The following ROBO2 variants were observed in gnomAD, a reference collection of about 807,000 sequenced individuals.
ROBO2 encodes roundabout homolog 2.
In ROBO2, 53 loss-of-function variants were observed where a neutral mutation model predicts 160.8. The ratio of observed to expected loss-of-function variants is 0.33; its 90% CI spans 0.26 to 0.41. The LOEUF (loss-of-function observed/expected upper bound fraction) is 0.41, where lower values mean the gene tolerates loss of function less well. Ranked by LOEUF, ROBO2 falls within the 10% of genes least tolerant of loss-of-function variation. ROBO2 has a pLI of 1.00. For missense variants in ROBO2, 1,577 were observed against 1,722.4 expected (o/e 0.92, Z 1.49); for synonymous variants, 664 against 611.7 (o/e 1.09, Z -1.26).
chr3:77,040,610 C>A lies in ROBO2; in HGVS notation c.-176C>A. On this transcript the variant is annotated 5_prime_UTR_variant, in exon 1 of 26. Transcript: ENST00000461745. Reference sequence around the variant, plus strand: ...AATTTGGATGGATCTCAGTGTGCCCCGTTCGAGACCTCTCCACCAACCCCT... The same window carrying A: ...AATTTGGATGGATCTCAGTGTGCCCAGTTCGAGACCTCTCCACCAACCCCT... 2.7e-6 allele frequency: 4 copies of A among 1,463,966 alleles called. No homozygotes were observed. In the East Asian group the frequency reaches 7.4e-5, roughly 27 times the overall value. 90.7% of individuals were successfully genotyped at this position (1,463,966 alleles called of 1,614,324 possible).
intron 2 of ROBO2, among the ~76,000 whole-genome samples, chr3:76,430,709 C>A (rs2076400984): frequency 6.6e-6 from 1 of 151,964 alleles, no homozygotes; most frequent in Admixed American, 6.6e-5. Flanking sequence ...TCTGTAAAAA[C>A]AGTAATCATA....
At chr3:77,155,117 C>T (rs115212549) in intron 2 of ROBO2, among the ~76,000 whole-genome samples, 36 of 151,888 alleles carry the variant, frequency 2.4e-4, no homozygotes, top group African/African-American at 8.0e-4. Flanking sequence ...AATTACTGGA[C>T]GTATGGTCAG....
At chr3:76,544,905 G>A (rs2083011220) in intron 2 of ROBO2, among the ~76,000 whole-genome samples, 1 of 151,938 alleles carries the variant, frequency 6.6e-6, no homozygotes, top group Non-Finnish European at 1.5e-5. Context: ...GTTGACTCAA[G>A]CAGTTTCTTT....
intron 5 of ROBO2, among the ~76,000 whole-genome samples, chr3:77,521,367 A>G (rs1295052092): frequency 6.6e-6 from 1 of 151,270 alleles, no homozygotes; most frequent in Non-Finnish European, 1.5e-5. Flanking sequence ...TGAGTGAAGC[A>G]GACAAGATGT....
At chr3:76,041,171 A>G (rs954331080) in intron 2 of ROBO2, among the ~76,000 whole-genome samples, 1 of 152,058 alleles carries the variant, frequency 6.6e-6, no homozygotes, top group African/African-American at 2.4e-5. Context: ...TGTACACATT[A>G]TGAAAGCAAT....
At chr3:76,325,479 C>T (rs1030670357) in intron 2 of ROBO2, among the ~76,000 whole-genome samples, 1 of 152,140 alleles carries the variant, frequency 6.6e-6, no homozygotes, top group Non-Finnish European at 1.5e-5. Context: ...AAATTACCTT[C>T]CCAATGTTTG....
chr3:76,719,717 C>T (rs1038826732), intron 2 of ROBO2, among the ~76,000 whole-genome samples: 4 of 151,928 alleles, frequency 2.6e-5, no homozygotes, highest in Admixed American at 1.3e-4. Context: ...AACCCTGTCT[C>T]GACTAAAAAT....
chr3:76,765,147 A>G (rs937120820), intron 2 of ROBO2, among the ~76,000 whole-genome samples: 2 of 151,660 alleles, frequency 1.3e-5, no homozygotes, highest in African/African-American at 4.8e-5. Flanking sequence ...CAGTATCTTG[A>G]TTCAGGGCTT....
intron 2 of ROBO2, among the ~76,000 whole-genome samples, chr3:76,454,255 G>A (rs1401176077): frequency 6.6e-6 from 1 of 152,144 alleles, no homozygotes; most frequent in Non-Finnish European, 1.5e-5. Flanking sequence ...TAACTGAAAA[G>A]TGGAAAGAAA....
At chr3:76,719,791 C>T (rs554510786) in intron 2 of ROBO2, among the ~76,000 whole-genome samples, 6 of 150,378 alleles carry the variant, frequency 4.0e-5, no homozygotes, top group African/African-American at 7.3e-5. Flanking sequence ...GGCTGAGGCA[C>T]GAGAATCGCT....
intron 2 of ROBO2, among the ~76,000 whole-genome samples, chr3:76,408,835 A>T (rs529327164): frequency 1.3e-5 from 2 of 152,196 alleles, no homozygotes; most frequent in South Asian, 4.1e-4. Flanking sequence ...CAAAATGTTG[A>T]TAATTTGGAG....
intron 2 of ROBO2, among the ~76,000 whole-genome samples, chr3:76,471,489 A>G (rs1250870218): frequency 6.6e-6 from 1 of 152,166 alleles, no homozygotes. Flanking sequence ...GCTGTTCTGT[A>G]TAATTTCAAT....
intron 20 of ROBO2, among the ~76,000 whole-genome samples, chr3:77,603,337 T>G: frequency 6.6e-6 from 1 of 152,256 alleles, no homozygotes. Flanking sequence ...AAAGAGAATT[T>G]TATAATAAAA....
intron 2 of ROBO2, among the ~76,000 whole-genome samples, chr3:76,719,047 G>A (rs910209732): frequency 3.3e-5 from 5 of 151,832 alleles, no homozygotes; most frequent in South Asian, 4.2e-4. Context: ...AATCACTTAC[G>A]CATTCCCTAC....
chr3:76,039,588 C>T (rs957760190), intron 2 of ROBO2, among the ~76,000 whole-genome samples: 3 of 151,976 alleles, frequency 2.0e-5, no homozygotes, highest in Admixed American at 6.5e-5. Context: ...CTTACATAAA[C>T]ATTTTCTCTG....
intron 2 of ROBO2, among the ~76,000 whole-genome samples, chr3:76,854,425 C>T (rs1242980655): frequency 6.6e-6 from 1 of 152,094 alleles, no homozygotes; most frequent in Non-Finnish European, 1.5e-5. Flanking sequence ...TAGATGTTAG[C>T]AAATTATCTT....
At chr3:76,064,997 A>G (rs566891752) in intron 2 of ROBO2, among the ~76,000 whole-genome samples, 5 of 152,244 alleles carry the variant, frequency 3.3e-5, no homozygotes, top group East Asian at 1.9e-4. Context: ...TCATTAATCA[A>G]TTTGCATTCC....
chr3:77,225,489 AT>A (rs145978727), intron 2 of ROBO2, among the ~76,000 whole-genome samples: 6,204 of 150,948 alleles, frequency 0.041, 180 homozygotes, highest in African/African-American at 0.07. Flanking sequence ...AAGTCTTGTT[AT>A]TTTTTTTTCT....
intron 2 of ROBO2, among the ~76,000 whole-genome samples, chr3:77,320,837 T>C (rs1021144564): frequency 3.3e-5 from 5 of 152,226 alleles, no homozygotes; most frequent in African/African-American, 1.2e-4. Context: ...ATCTGATATG[T>C]GTAATGTACA....
Sources: gnomAD v4.1 joint callset for allele counts (sites outside exome capture counted in the v4.1 genomes callset) on GRCh38, gnomAD v4.1.1 for gene constraint, MANE v1.5 for transcripts, NCBI Gene and HGNC (gene_info 2026-07-23, HGNC 2026-07-21) for gene names.